Variants in CTSC observed in about 807,000 individuals in gnomAD.
CTSC encodes dipeptidyl peptidase 1.
In CTSC, 37 loss-of-function variants were observed where a neutral mutation model predicts 40.9. That is an observed-to-expected ratio of 0.91 (90% confidence interval 0.70 to 1.19). The LOEUF is 1.19. CTSC is among the 50% of genes most tolerant of loss of function. The probability of loss-of-function intolerance (pLI) is 0.00; values close to 1 mark genes in which losing one functional copy is unlikely to be tolerated. For synonymous variants in CTSC, 232 were observed against 207.4 expected, an observed-to-expected ratio of 1.12 and a Z score of -1.02; for missense variants, 594 against 567.3, an observed-to-expected ratio of 1.05 and a Z score of -0.48.
chr11:88,300,399 C>A, intron 5 of CTSC, 131 bp downstream of exon 5: 1 of 666,978 alleles, frequency 1.5e-6, no homozygotes, highest in South Asian at 1.7e-5. Flanking sequence ...CATAGGCCAC[C>A]TATTTTCTAT....
chr11:88,324,767 G>A, intron 2 of CTSC: 3 of 985,318 alleles, frequency 3.0e-6, no homozygotes, highest in Non-Finnish European at 3.6e-6. Flanking sequence ...AGAGAGAGCT[G>A]GGGAGGGTTT....
Position 88,334,990 on chromosome 11 carries a change from T to G in CTSC, c.265A>C (p.Asn89His). The G allele has an allele frequency of 1.2e-6, 2 of 1,612,138 alleles. No homozygotes were observed. Among genetic ancestry groups the G allele is most frequent in the Non-Finnish European group, 1.7e-6 (2 of 1,178,354 alleles). Reference protein sequence around the residue: ...GNSGHFTIIYNQGFEIVLNDY... With the variant: ...GNSGHFTIIYHQGFEIVLNDY... The stretch of plus-strand genomic sequence containing the variant: ...TTCAACACAATCTCAAAGCCTTGGT[T>G]GTAAATGATGGTGAAATGGCCAGAA... Residue 89 changes from asparagine (N) to histidine (H), a missense_variant, in exon 2 of 7, where the codon AAC becomes CAC. Physicochemically the swap from Asn to His is moderately conservative, Grantham distance 68. Transcript: ENST00000227266.
intron 6 of CTSC, among the ~76,000 whole-genome samples, chr11:88,295,426 C>T (rs1045337003): frequency 1.3e-5 from 2 of 151,952 alleles, no homozygotes; most frequent in Non-Finnish European, 2.9e-5. Flanking sequence ...TTTGCCCAGG[C>T]TGGAGTGCAG....
intron 2 of CTSC, chr11:88,326,404 G>A: frequency 6.2e-7 from 1 of 1,613,766 alleles, no homozygotes; most frequent in East Asian, 2.2e-5. Context: ...TCATGGCTGT[G>A]GTTTTAAAAG....
intron 4 of CTSC, among the ~76,000 whole-genome samples, chr11:88,308,076 A>C (rs1412807682): frequency 6.6e-6 from 1 of 152,246 alleles, no homozygotes. Context: ...GATGGCAGGC[A>C]TGAAACCGCC....
chr11:88,336,748 T>C (rs1938506688), intron 1 of CTSC, among the ~76,000 whole-genome samples: 1 of 152,088 alleles, frequency 6.6e-6, no homozygotes, highest in African/African-American at 2.4e-5. Context: ...TGATTGTCTT[T>C]TTTCCACCCC....
chr11:88,318,178 C>A (rs1937920725), intron 2 of CTSC, among the ~76,000 whole-genome samples: 2 of 152,190 alleles, frequency 1.3e-5, no homozygotes, highest in Admixed American at 6.5e-5. Flanking sequence ...TAGCCAATGT[C>A]TGAATACTTA....
Position 88,293,719 on chromosome 11 carries a change from A to T in CTSC, c.*287T>A. ...AAGTCTATGTTTTCACATTGATTTTAAAAAATATAGCATGTTTGAATTACA... is the reference window on the plus strand; with the variant it reads ...AAGTCTATGTTTTCACATTGATTTTTAAAAATATAGCATGTTTGAATTACA... On this transcript the variant is annotated 3_prime_UTR_variant, in exon 7 of 7. Transcript: ENST00000227266. 5.1e-6 allele frequency: 2 copies of T among 394,580 alleles called. No homozygotes were observed. Among genetic ancestry groups the T allele is most frequent in the South Asian group, 6.8e-5 (2 of 29,296 alleles). The allele number at this position is 394,580 out of a possible 1,614,324, so 24.4% of individuals were successfully genotyped here.
intron 2 of CTSC, among the ~76,000 whole-genome samples, chr11:88,317,954 C>T (rs1591233461): frequency 6.6e-6 from 1 of 152,202 alleles, no homozygotes; most frequent in East Asian, 1.9e-4. Flanking sequence ...AGTTGCCACA[C>T]ATTCTCAAAA....
chr11:88,320,735 CT>C lies in CTSC; in HGVS notation c.319-8182del, dbSNP rs1166216935. The C allele has an allele frequency of 4.8e-6, 4 of 836,368 alleles. No individual in the cohort carries two copies. In the African/African-American group the frequency reaches 7.4e-5, roughly 15 times the overall value. 51.8% of individuals were successfully genotyped at this position (836,368 alleles called of 1,614,324 possible). A position where few individuals can be genotyped will look rare whatever the true frequency, so the allele number is the denominator to read the frequency against. On this transcript the variant is annotated intron_variant, in intron 2 of 6. Coordinates refer to ENST00000227266, the MANE Select transcript of CTSC (RefSeq NM_001814.6). ...CACTAAATCATCCAACATATATGGC[CT>C]GAGGGCCCACCATAGCCTCTAAGGA...
At chr11:88,327,133 C>G (rs921293017) in intron 2 of CTSC, among the ~76,000 whole-genome samples, 1 of 152,140 alleles carries the variant, frequency 6.6e-6, no homozygotes, top group Non-Finnish European at 1.5e-5. Flanking sequence ...TGAGAAGAAA[C>G]AGCTTACTAA....
At position 88,300,567 on chromosome 11, in the gene CTSC, A is replaced by T; in HGVS notation, c.720T>A (p.Val240=). ...HLPTSWDWRN[V]HGINFVSPVR... is the part of the protein sequence containing the mutation. Reference sequence around the variant, plus strand: ...CAGGACTGACAAAATTGATACCATGAACATTTCTCCAGTCCCAAGATGTTG... The same window carrying T: ...CAGGACTGACAAAATTGATACCATGTACATTTCTCCAGTCCCAAGATGTTG... Residue 240 remains valine (V), a synonymous_variant, in exon 5 of 7, where the codon GTT becomes GTA. Coordinates refer to ENST00000227266, the MANE Select transcript of CTSC (RefSeq NM_001814.6). 1 of 1,613,482 alleles carries T rather than the reference A, an allele frequency of 6.2e-7. No individual in the cohort carries two copies. The highest frequency in any genetic ancestry group is 8.5e-7 in the Non-Finnish European group (1 of 1,179,390).
intron 2 of CTSC, among the ~76,000 whole-genome samples, chr11:88,320,210 T>G (rs1937968414): frequency 6.6e-6 from 1 of 152,200 alleles, no homozygotes; most frequent in Non-Finnish European, 1.5e-5. Context: ...CTTCCAGCAT[T>G]TTACTGAAGG....
intron 1 of CTSC, among the ~76,000 whole-genome samples, chr11:88,336,385 AAAT>A (rs1272883159): frequency 6.6e-6 from 1 of 152,000 alleles, no homozygotes; most frequent in Non-Finnish European, 1.5e-5. Context: ...TAAAAATACA[AAAT>A]ATTAGCCGGG....
intron 3 of CTSC, among the ~76,000 whole-genome samples, chr11:88,310,225 A>G (rs1937722831): frequency 1.3e-5 from 2 of 151,280 alleles, no homozygotes; most frequent in Admixed American, 1.3e-4. Context: ...GATTCACAAT[A>G]ACATTAAAAT....
intron 2 of CTSC, among the ~76,000 whole-genome samples, chr11:88,318,696 G>A (rs938009745): frequency 6.6e-5 from 10 of 152,246 alleles, no homozygotes; most frequent in African/African-American, 2.4e-4. Context: ...ACCTGAAGTC[G>A]GGATTTTGAG....
intron 2 of CTSC, among the ~76,000 whole-genome samples, chr11:88,329,448 T>A (rs1456466416): frequency 1.1e-5 from 1 of 89,584 alleles, no homozygotes; most frequent in Non-Finnish European, 1.9e-5. Flanking sequence ...AGAGCTAGAC[T>A]CCATTTCAAA....
intron 3 of CTSC, among the ~76,000 whole-genome samples, chr11:88,309,804 ATG>A (rs1452397261): frequency 1.7e-5 from 2 of 118,078 alleles, no homozygotes; most frequent in African/African-American, 7.8e-5. Flanking sequence ...ATACATATAT[ATG>A]TATGCGCGCA....
At chr11:88,296,770 A>G in intron 5 of CTSC, 1 of 192,108 alleles carries the variant, frequency 5.2e-6, no homozygotes. Context: ...GGGATTAGTG[A>G]CCTAATACAA....
Sources: allele counts gnomAD v4.1 joint callset (sites outside exome capture counted in the v4.1 genomes callset), GRCh38; gene constraint gnomAD v4.1.1; transcripts MANE v1.5; gene names NCBI Gene and HGNC (gene_info 2026-07-23, HGNC 2026-07-21).